The following CNTN4 variants were observed in gnomAD, a reference collection of about 807,000 sequenced individuals.
CNTN4 encodes contactin-4.
CNTN4 carries 77 observed loss-of-function variants against 122.5 expected under a neutral mutation model. That is an observed-to-expected ratio of 0.63 (90% CI 0.52 to 0.76). The LOEUF is 0.76. CNTN4 is among the 30% of genes least tolerant of loss of function. CNTN4 has a pLI of 0.00. For synonymous variants in CNTN4, 512 were observed against 447.0 expected, an observed-to-expected ratio of 1.15 and a Z score of -1.83; for missense variants, 1,256 against 1,259.1, an observed-to-expected ratio of 1.00 and a Z score of 0.04.
At chr3:2,835,506 C>CA in intron 7 of CNTN4, among the ~76,000 whole-genome samples, 1 of 151,554 alleles carries the variant, frequency 6.6e-6, no homozygotes, top group South Asian at 2.1e-4. Flanking sequence ...CATGTTCAGC[C>CA]AAAAAAAATT....
chr3:2,543,711 C>G (rs972610681), intron 3 of CNTN4, among the ~76,000 whole-genome samples: 2 of 152,080 alleles, frequency 1.3e-5, no homozygotes, highest in Non-Finnish European at 2.9e-5. Context: ...ACAAAGAAAA[C>G]CCTTTGCTGT....
At chr3:2,360,873 C>G (rs774779732) in intron 3 of CNTN4, among the ~76,000 whole-genome samples, 1 of 152,146 alleles carries the variant, frequency 6.6e-6, no homozygotes, top group Non-Finnish European at 1.5e-5. Flanking sequence ...GACACAAATC[C>G]TTACCATATC....
At chr3:2,126,943 G>A (rs1240191014) in intron 2 of CNTN4, among the ~76,000 whole-genome samples, 2 of 152,138 alleles carry the variant, frequency 1.3e-5, no homozygotes, top group East Asian at 3.9e-4. Flanking sequence ...GATGGAGGGT[G>A]GTTCGAAACT....
rs191074628 is a variant in CNTN4 at position 2,165,965 on chromosome 3, C to T, written c.-145+65326C>T. Among the ~76,000 whole-genome samples the T allele has an allele frequency of 7.2e-5, 11 of 152,180 alleles. No homozygotes were observed. The East Asian group carries it at 2.1e-3, about 29-fold the overall frequency. On this transcript the variant is annotated intron_variant, in intron 2 of 24. Coordinates refer to ENST00000418658, the MANE Select transcript of CNTN4 (RefSeq NM_175607.3). ...TACCACAATTGTGATGGGTGTACCA[C>T]AATTTCTTCAATATCAGGGCTATTT...
chr3:2,152,034 ATGCAGGGAGGTAAGAG>A (rs1229367367), intron 2 of CNTN4, among the ~76,000 whole-genome samples: 2 of 152,242 alleles, frequency 1.3e-5, no homozygotes, highest in Admixed American at 6.5e-5. Flanking sequence ...AAATGTTTGT[ATGCAGGGAGGTAAGAG>A]TGCAGGAATA....
chr3:2,983,393 G>A (rs1694243500), intron 13 of CNTN4, among the ~76,000 whole-genome samples: 1 of 152,046 alleles, frequency 6.6e-6, no homozygotes, highest in Admixed American at 6.6e-5. Flanking sequence ...GGACTTCAGA[G>A]TGGCAGAACT....
At chr3:2,178,206 TG>T (rs2036841296) in intron 2 of CNTN4, among the ~76,000 whole-genome samples, 1 of 152,122 alleles carries the variant, frequency 6.6e-6, no homozygotes, top group South Asian at 2.1e-4. Flanking sequence ...GGGCCAGAGC[TG>T]TAACACATAT....
chr3:2,840,527 C>T (rs955918866), intron 7 of CNTN4, among the ~76,000 whole-genome samples: 16 of 90,244 alleles, frequency 1.8e-4, no homozygotes, highest in Admixed American at 9.2e-4. Flanking sequence ...GGTGAAACCC[C>T]GTCTCTACTA....
chr3:2,802,492 A>G (rs545095733), intron 6 of CNTN4, among the ~76,000 whole-genome samples: 96 of 152,328 alleles, frequency 6.3e-4, no homozygotes, highest in African/African-American at 2.2e-3. Flanking sequence ...TAAGCATAAG[A>G]AAATCGTGCC....
intron 2 of CNTN4, among the ~76,000 whole-genome samples, chr3:2,302,719 G>T (rs1272785803): frequency 1.3e-5 from 2 of 152,080 alleles, no homozygotes; most frequent in South Asian, 4.1e-4. Context: ...CACCATTTCT[G>T]CCCACTTTAG....
intron 7 of CNTN4, among the ~76,000 whole-genome samples, chr3:2,820,186 C>G (rs2092830981): frequency 6.6e-6 from 1 of 152,204 alleles, no homozygotes. Context: ...CTTGACCTCA[C>G]ACACTTCTGA....
chr3:3,014,610 C>T (rs2125537602), intron 14 of CNTN4, among the ~76,000 whole-genome samples: 1 of 151,840 alleles, frequency 6.6e-6, no homozygotes, highest in South Asian at 2.1e-4. Context: ...CATGTGATGT[C>T]TTTGTGGAGT....
chr3:2,729,300 C>T (rs935789642), intron 4 of CNTN4, among the ~76,000 whole-genome samples: 6 of 151,860 alleles, frequency 4.0e-5, no homozygotes, highest in Admixed American at 6.6e-5. Context: ...CGCGGTGGCT[C>T]ACGCCTGTAA....
intron 7 of CNTN4, among the ~76,000 whole-genome samples, chr3:2,843,476 G>C (rs1291340096): frequency 3.3e-5 from 5 of 152,138 alleles, no homozygotes; most frequent in African/African-American, 1.2e-4. Context: ...GTGATAGATA[G>C]AGTTTGAATT....
At chr3:2,304,400 A>G (rs979538039) in intron 2 of CNTN4, among the ~76,000 whole-genome samples, 1 of 152,164 alleles carries the variant, frequency 6.6e-6, no homozygotes, top group Non-Finnish European at 1.5e-5. Context: ...TGGATTATTA[A>G]TCTACACCAT....
intron 13 of CNTN4, among the ~76,000 whole-genome samples, chr3:2,944,019 AG>A (rs1416362948): frequency 6.6e-6 from 1 of 152,162 alleles, no homozygotes; most frequent in Non-Finnish European, 1.5e-5. Context: ...ATGGAATTGT[AG>A]TTCCATAGTA....
At chr3:2,416,881 C>G (rs1164373585) in intron 3 of CNTN4, among the ~76,000 whole-genome samples, 2 of 152,082 alleles carry the variant, frequency 1.3e-5, no homozygotes, top group Non-Finnish European at 2.9e-5. Context: ...GCCTCGAGCT[C>G]CTGACCTTGT....
At chr3:2,767,531 GT>G (rs1250863896) in intron 6 of CNTN4, among the ~76,000 whole-genome samples, 1 of 149,984 alleles carries the variant, frequency 6.7e-6, no homozygotes, top group Non-Finnish European at 1.5e-5. Flanking sequence ...GGGCTTTTTT[GT>G]TTTTGTTTTT....
intron 4 of CNTN4, among the ~76,000 whole-genome samples, chr3:2,620,041 C>T (rs1380504132): frequency 6.6e-6 from 1 of 152,006 alleles, no homozygotes; most frequent in Non-Finnish European, 1.5e-5. Context: ...CTGTCCCAGT[C>T]CCTGGAGAGC....
Sources: allele counts gnomAD v4.1 joint callset (sites outside exome capture counted in the v4.1 genomes callset), GRCh38; gene constraint gnomAD v4.1.1; transcripts MANE v1.5; gene names NCBI Gene and HGNC (gene_info 2026-07-23, HGNC 2026-07-21).